CCDC93: variants seen among roughly 807,000 people sequenced by gnomAD.
The protein encoded by CCDC93 is CCC complex scaffolding subunit CCDC93, also known as coiled-coil domain-containing protein 93.
A neutral mutation model predicts 108.2 loss-of-function variants in CCDC93; 61 were observed. The observed-to-expected ratio is 0.56, with a 90% CI of 0.46 to 0.70. CCDC93 has a LOEUF of 0.70. CCDC93 is among the 30% of genes least tolerant of loss of function. The pLI, the probability that CCDC93 is intolerant of heterozygous loss-of-function variation, is 0.00. For synonymous variants in CCDC93, 276 were observed against 260.4 expected (o/e 1.06, Z -0.58); for missense variants, 685 against 764.2 (o/e 0.90, Z 1.22).
intron 23 of CCDC93, among the ~76,000 whole-genome samples, chr2:117,920,610 T>G (rs1012996146): frequency 6.6e-6 from 1 of 152,184 alleles, no homozygotes; most frequent in African/African-American, 2.4e-5. Context: ...TTCTGGGCTG[T>G]CAGACTGAAA....
chr2:117,920,840 A>C (rs1297011409), intron 23 of CCDC93, among the ~76,000 whole-genome samples: 1 of 152,212 alleles, frequency 6.6e-6, no homozygotes, highest in African/African-American at 2.4e-5. Context: ...GAAAGTTAAG[A>C]ATATTCTTGT....
chr2:117,981,382 C>A (rs1022113829), intron 7 of CCDC93, among the ~76,000 whole-genome samples: 1 of 152,192 alleles, frequency 6.6e-6, no homozygotes, highest in Non-Finnish European at 1.5e-5. Flanking sequence ...TGCCTATTAA[C>A]TACTGCCTCG....
At chr2:117,968,381 A>G (rs1162954275) in intron 11 of CCDC93, among the ~76,000 whole-genome samples, 1 of 152,238 alleles carries the variant, frequency 6.6e-6, no homozygotes, top group Non-Finnish European at 1.5e-5. Flanking sequence ...CAGTGAGAAT[A>G]TTAGACATGA....
In CCDC93 at chr2:117,931,142, C is replaced by G; in HGVS notation, c.1737G>C (p.Lys579Asn). Residue 579 changes from lysine (K) to asparagine (N), a missense_variant, in exon 23 of 24, where the codon AAG (lysine) becomes AAC (asparagine). Lys to Asn is a moderately conservative substitution (Grantham distance 94). Coordinates refer to ENST00000376300, the MANE Select transcript of CCDC93 (RefSeq NM_019044.5). ...TTCTCATTTTGTTCTCTTGCTTTTTCTTTTCCATCTGTTGAAACATTGTGG... is the reference window on the plus strand; with the variant it reads ...TTCTCATTTTGTTCTCTTGCTTTTTGTTTTCCATCTGTTGAAACATTGTGG... ...GIKQSRMKMEKKKQENKMRRD... is the reference protein window; with the variant it reads ...GIKQSRMKMENKKQENKMRRD... 6.2e-7 allele frequency: 1 copy of G among 1,611,438 alleles called. No homozygotes were observed. Among genetic ancestry groups the G allele is most frequent in the Non-Finnish European group, 8.5e-7 (1 of 1,177,706 alleles).
At chr2:117,942,895 C>T (rs1678747539) in intron 18 of CCDC93, among the ~76,000 whole-genome samples, 1 of 152,224 alleles carries the variant, frequency 6.6e-6, no homozygotes, top group Non-Finnish European at 1.5e-5. Context: ...TATTATACTC[C>T]TCTCGCCCTT....
Position 117,941,255 on chromosome 2 carries a change from C to G in CCDC93, c.1456G>C (p.Asp486His). The change falls in exon 19 of 24, where the codon GAT becomes CAT. Residue 486 changes from aspartate to histidine, a missense_variant. Physicochemically the swap from Asp to His is moderately conservative, Grantham distance 81. Transcript: ENST00000376300. ...AGCTCGGCACGGCTAGGGACTTCAT[C>G]AATCTTGCGGTGCAAAATTGCTATT... is the stretch of plus-strand genomic sequence containing the variant. ...REIAILHRKI[D>H]EVPSRAELIQ... The G allele has an allele frequency of 6.2e-7, 1 of 1,614,068 alleles. No homozygotes were observed. Among genetic ancestry groups the G allele is most frequent in the South Asian group, 1.1e-5 (1 of 91,078 alleles).
chr2:117,931,203 C>T, intron 22 of CCDC93, 53 bp from the exon 23 acceptor site: 1 of 1,234,470 alleles, frequency 8.1e-7, no homozygotes. Flanking sequence ...TGCCCAAGGG[C>T]TACTGGCAAC....
intron 11 of CCDC93, among the ~76,000 whole-genome samples, chr2:117,966,697 CAT>C (rs1491368777): frequency 6.6e-6 from 1 of 152,154 alleles, no homozygotes; most frequent in Non-Finnish European, 1.5e-5. Context: ...TGTGTTTTTT[CAT>C]AAGTACATCC....
chr2:117,945,070 A>C (rs999543263), intron 17 of CCDC93, among the ~76,000 whole-genome samples: 2 of 152,198 alleles, frequency 1.3e-5, no homozygotes, highest in Non-Finnish European at 2.9e-5. Flanking sequence ...TTACAGATCA[A>C]CTATGGTCAC....
chr2:117,939,143 AG>A, intron 19 of CCDC93, 32 bp from the exon 20 acceptor site: 1 of 1,392,604 alleles, frequency 7.2e-7, no homozygotes, highest in Non-Finnish European at 1.0e-6. Flanking sequence ...CACACGAATA[AG>A]AACAGGTATC....
chr2:117,958,358 C>T lies in CCDC93; in HGVS notation c.1005+7G>A. The T allele has an allele frequency of 6.5e-7, 1 of 1,534,088 alleles. No homozygotes were observed. Among genetic ancestry groups the T allele is most frequent in the Non-Finnish European group, 9.0e-7 (1 of 1,106,808 alleles). Reference sequence around the variant, plus strand: ...CTTGAATAAACTTACGAAAAGAAAACACTGACCTCTTCAAGATGTTTGGTC... The same window carrying T: ...CTTGAATAAACTTACGAAAAGAAAATACTGACCTCTTCAAGATGTTTGGTC... On this transcript the variant is annotated splice_region_variant and intron_variant, in intron 12 of 23. Transcript: ENST00000376300.
At position 117,941,239 on chromosome 2, in the gene CCDC93, C is replaced by G; in HGVS notation, c.1472G>C (p.Arg491Pro). The change falls in exon 19 of 24, where the codon CGT becomes CCT. Residue 491 changes from arginine to proline, a missense_variant. Physicochemically the swap from Arg to Pro is moderately radical, Grantham distance 103. Transcript: ENST00000376300. ...CTTCTGATACTGTATTAGCTCGGCACGGCTAGGGACTTCATCAATCTTGCG... is the reference window on the plus strand; with the variant it reads ...CTTCTGATACTGTATTAGCTCGGCAGGGCTAGGGACTTCATCAATCTTGCG... ...LHRKIDEVPS[R>P]AELIQYQKRF... 6.2e-7 allele frequency: 1 copy of G among 1,614,008 alleles called. No individual in the cohort carries two copies. The highest frequency in any genetic ancestry group is 8.5e-7 in the Non-Finnish European group (1 of 1,179,918).
At chr2:117,944,888 T>C (rs1181317382) in intron 17 of CCDC93, 6 of 455,880 alleles carry the variant, frequency 1.3e-5, no homozygotes, top group Non-Finnish European at 4.5e-6. Flanking sequence ...TCCACTTCCT[T>C]TCCTATCTCT....
At position 117,975,239 on chromosome 2, in the gene CCDC93, A is replaced by G. The variant is rs921324839; in HGVS notation, c.699T>C (p.Ala233=). The G allele has an allele frequency of 3.7e-6, 6 of 1,613,792 alleles. No individual in the cohort carries two copies. The highest frequency in any genetic ancestry group is 5.1e-6 in the Non-Finnish European group (6 of 1,180,004). ...KKTALPAGLS[A]TEKADAHEED... ...CCTCGTGGGCATCAGCTTTTTCTGT[A>G]GCTGACAGCCCTGCTGGAAGTGCCG... Residue 233 remains alanine (A), a synonymous_variant, in exon 9 of 24, where the codon GCT becomes GCC. Coordinates refer to ENST00000376300, the MANE Select transcript of CCDC93 (RefSeq NM_019044.5).
At chr2:117,986,444 C>T (rs1184543181) in intron 6 of CCDC93, among the ~76,000 whole-genome samples, 3 of 152,092 alleles carry the variant, frequency 2.0e-5, no homozygotes, top group Admixed American at 6.5e-5. Flanking sequence ...CTAGTAATAT[C>T]TGCTCAGGTC....
intron 11 of CCDC93, among the ~76,000 whole-genome samples, chr2:117,967,786 C>T (rs757236336): frequency 1.8e-4 from 27 of 152,110 alleles, no homozygotes; most frequent in Admixed American, 9.8e-4. Context: ...GGGCCCTTAG[C>T]GAGACTCTCA....
At chr2:118,000,761 C>T (rs897273594) in intron 4 of CCDC93, 60 bp downstream of exon 4, 11 of 1,111,010 alleles carry the variant, frequency 9.9e-6, no homozygotes, top group Non-Finnish European at 1.5e-5. Flanking sequence ...ACAGGACAAG[C>T]CAGGCCCATC....
chr2:117,929,255 T>A (rs1558768344), intron 23 of CCDC93, among the ~76,000 whole-genome samples: 2 of 152,048 alleles, frequency 1.3e-5, no homozygotes, highest in Non-Finnish European at 2.9e-5. Flanking sequence ...AAACTTAAAG[T>A]ATAATAAAAA....
chr2:118,005,732 A>C (rs1257761509), intron 3 of CCDC93, among the ~76,000 whole-genome samples: 1 of 139,512 alleles, frequency 7.2e-6, no homozygotes, highest in African/African-American at 2.7e-5. Context: ...AGCATGGGTG[A>C]TAAGAGTGAG....
Sources: allele counts gnomAD v4.1 joint callset (sites outside exome capture counted in the v4.1 genomes callset), GRCh38; gene constraint gnomAD v4.1.1; transcripts MANE v1.5; gene names NCBI Gene and HGNC (gene_info 2026-07-23, HGNC 2026-07-21).